The following SLC35F3 variants were observed in gnomAD, a reference collection of about 807,000 sequenced individuals.
SLC35F3 encodes the protein solute carrier family 35 member F3.
SLC35F3 carries 25 observed loss-of-function variants against 49.9 expected under a neutral mutation model. The observed-to-expected ratio is 0.50, with a 90% CI of 0.37 to 0.70. SLC35F3 has a LOEUF of 0.70. SLC35F3 is among the 30% of genes least tolerant of loss of function. The pLI is 0.00. For missense variants in SLC35F3, 525 were observed against 639.8 expected, an observed-to-expected ratio of 0.82 and a Z score of 1.94; for synonymous variants, 275 against 265.4, an observed-to-expected ratio of 1.04 and a Z score of -0.35.
At chr1:234,299,439 A>G (rs936538736) in intron 3 of SLC35F3, among the ~76,000 whole-genome samples, 7 of 152,354 alleles carry the variant, frequency 4.6e-5, no homozygotes, top group Non-Finnish European at 1.0e-4. Context: ...AGAAAAAACT[A>G]AATCTACACC....
chr1:233,953,800 A>G (rs761257325), intron 2 of SLC35F3, among the ~76,000 whole-genome samples: 2 of 152,204 alleles, frequency 1.3e-5, no homozygotes, highest in African/African-American at 2.4e-5. Context: ...GGGAAAAAAG[A>G]CCTGGGTAAG....
At chr1:234,039,808 GC>G in intron 2 of SLC35F3, among the ~76,000 whole-genome samples, 1 of 152,296 alleles carries the variant, frequency 6.6e-6, no homozygotes, top group Middle Eastern at 3.4e-3. Flanking sequence ...CTCCATGCAC[GC>G]CCCGCGGCAG....
chr1:233,951,892 A>G (rs1662613613), intron 2 of SLC35F3, among the ~76,000 whole-genome samples: 1 of 151,848 alleles, frequency 6.6e-6, no homozygotes, highest in South Asian at 2.1e-4. Flanking sequence ...CTTTTATGTC[A>G]AATATATTTT....
rs908237444 is a variant in SLC35F3 at position 234,231,128 on chromosome 1, G to A, written c.284-289G>A. On this transcript the variant is annotated intron_variant, in intron 2 of 7. Coordinates refer to ENST00000366618, the MANE Select transcript of SLC35F3 (RefSeq NM_173508.4). The surrounding 1 kb of genome is among the most constrained non-coding windows in gnomAD (Gnocchi z 5.4). ...GATTTTGGAGTCTGGGGTGAGCCCT[G>A]AGATTCTGCATTTCCAACACGTTCC... is the stretch of plus-strand genomic sequence containing the variant. Among the ~76,000 whole-genome samples the A allele has an allele frequency of 3.3e-5, 5 of 152,354 alleles. No individual in the cohort carries two copies. The highest frequency in any genetic ancestry group is 1.2e-4 in the African/African-American group (5 of 41,578).
chr1:234,073,903 AT>A (rs1255532112), intron 2 of SLC35F3, among the ~76,000 whole-genome samples: 3 of 152,118 alleles, frequency 2.0e-5, no homozygotes, highest in African/African-American at 7.2e-5. Flanking sequence ...CATCTGGGCC[AT>A]TTTTAAGTGT....
At chr1:234,006,766 G>T (rs912104222) in intron 2 of SLC35F3, among the ~76,000 whole-genome samples, 1 of 152,200 alleles carries the variant, frequency 6.6e-6, no homozygotes, top group Non-Finnish European at 1.5e-5. Context: ...AGCATGAGGA[G>T]TAGAGGCCTG....
At chr1:233,915,969 G>C (rs1401082686) in intron 2 of SLC35F3, among the ~76,000 whole-genome samples, 1 of 152,218 alleles carries the variant, frequency 6.6e-6, no homozygotes, top group Non-Finnish European at 1.5e-5. Flanking sequence ...CAGATCAGTA[G>C]GTATGGGACA....
At chr1:234,246,680 C>T (rs1011982101) in intron 3 of SLC35F3, among the ~76,000 whole-genome samples, 1 of 152,156 alleles carries the variant, frequency 6.6e-6, no homozygotes, top group Admixed American at 6.5e-5. Context: ...TCATGTATAA[C>T]CCAAGTCACA....
chr1:234,094,618 G>A (rs1665090890), intron 2 of SLC35F3, among the ~76,000 whole-genome samples: 1 of 152,218 alleles, frequency 6.6e-6, no homozygotes, highest in African/African-American at 2.4e-5. Context: ...GGAACTAGGA[G>A]CTGACCCTGA....
At chr1:234,293,249 T>C (rs1401179387) in intron 3 of SLC35F3, among the ~76,000 whole-genome samples, 1 of 152,094 alleles carries the variant, frequency 6.6e-6, no homozygotes, top group East Asian at 1.9e-4. Flanking sequence ...CACAGCAAGA[T>C]GGGAACTAGG....
At chr1:234,269,572 G>A (rs561225124) in intron 3 of SLC35F3, among the ~76,000 whole-genome samples, 1 of 151,202 alleles carries the variant, frequency 6.6e-6, no homozygotes, top group African/African-American at 2.4e-5. Flanking sequence ...GTGAGTTGCA[G>A]AGCATGCTAT....
chr1:234,271,541 G>A (rs1350672071), intron 3 of SLC35F3, among the ~76,000 whole-genome samples: 2 of 152,188 alleles, frequency 1.3e-5, no homozygotes, highest in East Asian at 3.8e-4. Context: ...ACAGGTGTTT[G>A]TGAGGTCCCT....
chr1:234,085,297 A>G (rs538185983), intron 2 of SLC35F3, among the ~76,000 whole-genome samples: 12 of 152,338 alleles, frequency 7.9e-5, no homozygotes, highest in African/African-American at 2.9e-4. Context: ...TTTGTGTGGA[A>G]CAGAGGAAGG....
chr1:234,052,689 G>A (rs1347816918), intron 2 of SLC35F3, among the ~76,000 whole-genome samples: 2 of 152,074 alleles, frequency 1.3e-5, no homozygotes, highest in African/African-American at 2.4e-5. Flanking sequence ...AGCTTTTAAT[G>A]TGTTTGCTCT....
chr1:234,217,639 A>G (rs748687225), intron 2 of SLC35F3, among the ~76,000 whole-genome samples: 9 of 151,622 alleles, frequency 5.9e-5, no homozygotes, highest in Non-Finnish European at 8.8e-5. Flanking sequence ...CCTTTCTAAG[A>G]AGAGGCCTTT....
chr1:234,225,797 G>A (rs1005300669), intron 2 of SLC35F3, among the ~76,000 whole-genome samples: 1 of 152,222 alleles, frequency 6.6e-6, no homozygotes, highest in Non-Finnish European at 1.5e-5. Context: ...ATCGATAGAT[G>A]AATGGATAAG....
At chr1:234,099,624 A>AC (rs1448384999) in intron 2 of SLC35F3, among the ~76,000 whole-genome samples, 50 of 149,308 alleles carry the variant, frequency 3.3e-4, no homozygotes, top group African/African-American at 1.1e-3. Context: ...AAAAAAAAAA[A>AC]AAACAAAAAA....
chr1:234,100,474 T>C (rs1319226642), intron 2 of SLC35F3, among the ~76,000 whole-genome samples: 1 of 152,246 alleles, frequency 6.6e-6, no homozygotes, highest in Non-Finnish European at 1.5e-5. Context: ...TGGTGTTGCC[T>C]TGTGGACAGA....
intron 2 of SLC35F3, among the ~76,000 whole-genome samples, chr1:233,926,954 A>G (rs1415544377): frequency 3.3e-5 from 5 of 152,162 alleles, no homozygotes; most frequent in Non-Finnish European, 5.9e-5. Context: ...TTGACTGGGT[A>G]TCACCAGCGG....
Sources: allele counts gnomAD v4.1 joint callset (sites outside exome capture counted in the v4.1 genomes callset), GRCh38; gene constraint gnomAD v4.1.1; non-coding constraint Gnocchi (gnomAD v3.1); transcripts MANE v1.5; gene names NCBI Gene and HGNC (gene_info 2026-07-23, HGNC 2026-07-21).